Variants in EPB41L2 observed in about 807,000 individuals in gnomAD.
EPB41L2 encodes the protein band 4.1-like protein 2.
EPB41L2 carries 43 observed loss-of-function variants against 113.0 expected under a neutral mutation model. The observed-to-expected ratio is 0.38, with a 90% CI of 0.30 to 0.49. The LOEUF (loss-of-function observed/expected upper bound fraction) is 0.49, where lower values mean the gene tolerates loss of function less well. EPB41L2 is among the 20% of genes least tolerant of loss of function. EPB41L2 has a pLI of 0.95. For missense variants in EPB41L2, 1,147 were observed against 1,223.4 expected, an observed-to-expected ratio of 0.94 and a Z score of 0.93; for synonymous variants, 442 against 436.7, an observed-to-expected ratio of 1.01 and a Z score of -0.15.
intron 1 of EPB41L2, among the ~76,000 whole-genome samples, chr6:131,050,898 G>C (rs1003539284): frequency 6.6e-6 from 1 of 152,136 alleles, no homozygotes; most frequent in Non-Finnish European, 1.5e-5. Flanking sequence ...CTGGTCCAAA[G>C]AATATTCAAG....
chr6:130,909,300 C>T (rs1416095052), intron 4 of EPB41L2, among the ~76,000 whole-genome samples: 5 of 152,122 alleles, frequency 3.3e-5, no homozygotes, highest in African/African-American at 1.2e-4. Flanking sequence ...ACATACCAAG[C>T]GAACACAATT....
At chr6:130,897,463 C>G (rs1794993462) in intron 8 of EPB41L2, among the ~76,000 whole-genome samples, 2 of 152,208 alleles carry the variant, frequency 1.3e-5, no homozygotes, top group Non-Finnish European at 2.9e-5. Flanking sequence ...ATACTTAGAA[C>G]AGAGTCCACA....
intron 3 of EPB41L2, among the ~76,000 whole-genome samples, chr6:130,941,305 A>G (rs1000499843): frequency 2.0e-5 from 3 of 152,232 alleles, no homozygotes; most frequent in Admixed American, 6.5e-5. Flanking sequence ...AGCAAGACTT[A>G]GCTTAAGTCT....
chr6:131,046,927 G>A (rs1194075027), intron 1 of EPB41L2, among the ~76,000 whole-genome samples: 1 of 152,096 alleles, frequency 6.6e-6, no homozygotes, highest in Non-Finnish European at 1.5e-5. Context: ...CGTGGGGAGG[G>A]GAATGCAAAT....
chr6:130,934,796 C>CTT (rs34793686), intron 3 of EPB41L2, among the ~76,000 whole-genome samples: 3 of 129,290 alleles, frequency 2.3e-5, no homozygotes, highest in East Asian at 2.2e-4. Flanking sequence ...TTTTTGTTTT[C>CTT]TTTTTTTTTT....
intron 1 of EPB41L2, among the ~76,000 whole-genome samples, chr6:131,008,218 C>T (rs1319420548): frequency 6.6e-6 from 1 of 152,240 alleles, no homozygotes; most frequent in East Asian, 1.9e-4. Context: ...TGCATCCCAG[C>T]TGCTTCAGCT....
At chr6:131,019,044 T>C (rs894324350) in intron 1 of EPB41L2, among the ~76,000 whole-genome samples, 1 of 152,192 alleles carries the variant, frequency 6.6e-6, no homozygotes, top group African/African-American at 2.4e-5. Flanking sequence ...GGCTGACCCA[T>C]AAAAACCCTA....
intron 1 of EPB41L2, among the ~76,000 whole-genome samples, chr6:131,037,228 G>A (rs918423350): frequency 1.3e-5 from 2 of 152,106 alleles, no homozygotes; most frequent in South Asian, 2.1e-4. Context: ...AGTATATGCC[G>A]ATCATTGGGA....
At chr6:130,997,963 C>T (rs1291802958) in intron 1 of EPB41L2, among the ~76,000 whole-genome samples, 1 of 152,150 alleles carries the variant, frequency 6.6e-6, no homozygotes, top group Non-Finnish European at 1.5e-5. Context: ...CCTTACTTAT[C>T]AACTGAATTA....
chr6:130,969,446 G>A (rs1168801187), intron 1 of EPB41L2, among the ~76,000 whole-genome samples: 5 of 152,036 alleles, frequency 3.3e-5, no homozygotes, highest in African/African-American at 1.2e-4. Context: ...TAAAGAACAC[G>A]CAAGAAGATT....
In EPB41L2 at chr6:130,954,037, TTTC is replaced by T. The variant is rs1185775156; in HGVS notation, c.705+1065_705+1067del. Among the ~76,000 whole-genome samples the T allele has an allele frequency of 2.3e-4, 19 of 83,278 alleles. 1 individual carries two copies. Among genetic ancestry groups the T allele is most frequent in the Middle Eastern group, 5.2e-3 (1 of 192 alleles). 54.6% of individuals were successfully genotyped at this position (83,278 alleles called of 152,430 possible). A position where few individuals can be genotyped will look rare whatever the true frequency, so the allele number is the denominator to read the frequency against. On this transcript the variant is annotated intron_variant, in intron 3 of 19. Transcript: ENST00000337057. ...TAATCCTCTTTTGCTAGTCCTTTTC[TTTC>T]TTTTTTTTTTTTTTTTTTTTTTTTT...
chr6:131,018,640 A>G (rs919389977), intron 1 of EPB41L2, among the ~76,000 whole-genome samples: 1 of 152,210 alleles, frequency 6.6e-6, no homozygotes, highest in Admixed American at 6.5e-5. Context: ...TTACTGCTAA[A>G]TATTTTAAAG....
chr6:130,933,336 T>C (rs1397250528), intron 3 of EPB41L2, among the ~76,000 whole-genome samples: 1 of 152,236 alleles, frequency 6.6e-6, no homozygotes, highest in Non-Finnish European at 1.5e-5. Flanking sequence ...CAACTGTTAA[T>C]AAAACTTGCC....
intron 19 of EPB41L2, among the ~76,000 whole-genome samples, chr6:130,848,236 CACACACAG>C (rs1777691787): frequency 6.9e-6 from 1 of 143,990 alleles, no homozygotes; most frequent in Non-Finnish European, 1.5e-5. Context: ...CACACACACA[CACACACAG>C]AATCTAAACT....
intron 3 of EPB41L2, among the ~76,000 whole-genome samples, chr6:130,947,027 C>G (rs1364258092): frequency 7.0e-6 from 1 of 143,238 alleles, no homozygotes; most frequent in Non-Finnish European, 1.5e-5. Context: ...ACCCCCCCCC[C>G]AGCCCCTTAA....
chr6:130,988,809 C>T (rs1781152216), intron 1 of EPB41L2, among the ~76,000 whole-genome samples: 1 of 152,182 alleles, frequency 6.6e-6, no homozygotes, highest in African/African-American at 2.4e-5. Context: ...GGAAAGGAGG[C>T]TGGGCACAGT....
At chr6:130,850,539 T>A (rs569301887) in intron 19 of EPB41L2, among the ~76,000 whole-genome samples, 44 of 152,118 alleles carry the variant, frequency 2.9e-4, no homozygotes, top group Non-Finnish European at 3.7e-4. Context: ...TCAGCCTATA[T>A]GGAAAGGGGG....
intron 1 of EPB41L2, among the ~76,000 whole-genome samples, chr6:130,990,512 C>T (rs984095024): frequency 2.0e-5 from 3 of 152,036 alleles, no homozygotes; most frequent in African/African-American, 7.2e-5. Context: ...CAGAGATTGT[C>T]AGGCTGGTTT....
At chr6:130,944,093 G>A (rs563682561) in intron 3 of EPB41L2, among the ~76,000 whole-genome samples, 6 of 151,620 alleles carry the variant, frequency 4.0e-5, no homozygotes, top group Non-Finnish European at 8.8e-5. Flanking sequence ...CCAAGCATCT[G>A]AAAAGCAGGG....
Sources: allele counts gnomAD v4.1 joint callset (sites outside exome capture counted in the v4.1 genomes callset), GRCh38; gene constraint gnomAD v4.1.1; transcripts MANE v1.5; gene names NCBI Gene and HGNC (gene_info 2026-07-23, HGNC 2026-07-21).